Variants in HLCS observed in about 807,000 individuals in gnomAD.
The protein encoded by HLCS is holocarboxylase synthetase, also known as biotin--protein ligase.
HLCS carries 53 observed loss-of-function variants against 75.0 expected under a neutral mutation model. The observed-to-expected ratio is 0.71, with a 90% CI of 0.57 to 0.89. The LOEUF (loss-of-function observed/expected upper bound fraction) is 0.89, where lower values mean the gene tolerates loss of function less well. HLCS is among the 40% of genes least tolerant of loss of function. The pLI is 0.00. For synonymous variants in HLCS, 431 were observed against 428.6 expected, an observed-to-expected ratio of 1.01 and a Z score of -0.07; for missense variants, 966 against 1,074.0, an observed-to-expected ratio of 0.90 and a Z score of 1.41.
chr21:36,833,593 T>TTATATATATATATATATA (rs56412653), intron 6 of HLCS, among the ~76,000 whole-genome samples: 115 of 139,996 alleles, frequency 8.2e-4, no homozygotes, highest in African/African-American at 3.0e-3. Flanking sequence ...TAAAAAAAAA[T>TTATATATATATATATATA]TATATATATA....
intron 5 of HLCS, among the ~76,000 whole-genome samples, chr21:36,928,301 C>T (rs1490169327): frequency 1.8e-4 from 27 of 152,116 alleles, no homozygotes; most frequent in Non-Finnish European, 1.0e-4. Flanking sequence ...AGGCCGGGAG[C>T]GCCATGCCTG....
intron 5 of HLCS, among the ~76,000 whole-genome samples, chr21:36,900,587 C>T (rs1030444862): frequency 9.2e-5 from 14 of 152,102 alleles, no homozygotes; most frequent in Admixed American, 7.2e-4. Flanking sequence ...CGTGGGATGT[C>T]CTACCTCTGT....
At chr21:36,899,084 T>C (rs149222320) in intron 5 of HLCS, among the ~76,000 whole-genome samples, 116 of 152,176 alleles carry the variant, frequency 7.6e-4, no homozygotes, top group African/African-American at 2.6e-3. Flanking sequence ...AGTACTGTGG[T>C]GACATAGGAA....
chr21:36,828,668 CA>C (rs2062094781), intron 6 of HLCS, among the ~76,000 whole-genome samples: 1 of 151,870 alleles, frequency 6.6e-6, no homozygotes, highest in Non-Finnish European at 1.5e-5. Context: ...TTAAAGATGC[CA>C]AGTAGATTAA....
rs190884091 is a variant in HLCS at position 36,876,331 on chromosome 21, T to C, written c.1892+20529A>G. The stretch of plus-strand genomic sequence containing the variant: ...GGATCCTGTGACATTTTCGTATACA[T>C]TTCCACAAAAATACCTGCCGTGATT... On this transcript the variant is annotated intron_variant, in intron 6 of 10. Transcript: ENST00000674895. Among the ~76,000 whole-genome samples the C allele has an allele frequency of 1.1e-4, 17 of 152,276 alleles. No homozygotes were observed. In the East Asian group the frequency reaches 3.1e-3, roughly 28 times the overall value.
chr21:36,902,420 C>T (rs1160333146), intron 5 of HLCS, among the ~76,000 whole-genome samples: 1 of 152,160 alleles, frequency 6.6e-6, no homozygotes, highest in Non-Finnish European at 1.5e-5. Flanking sequence ...ATGGGGGTGG[C>T]TCAGGTTCCC....
At chr21:36,963,154 G>A (rs992966139) in intron 1 of HLCS, among the ~76,000 whole-genome samples, 1 of 152,154 alleles carries the variant, frequency 6.6e-6, no homozygotes, top group African/African-American at 2.4e-5. Context: ...AATCAAGATT[G>A]GTTAGCAAAT....
intron 6 of HLCS, among the ~76,000 whole-genome samples, chr21:36,848,557 C>T (rs548990999): frequency 3.9e-4 from 60 of 152,110 alleles, no homozygotes; most frequent in Admixed American, 2.0e-3. Context: ...CTTGAGCCAC[C>T]GCGCCCAGCC....
chr21:36,844,564 C>T (rs1286213534), intron 6 of HLCS, among the ~76,000 whole-genome samples: 1 of 152,178 alleles, frequency 6.6e-6, no homozygotes, highest in African/African-American at 2.4e-5. Context: ...AATACACAGG[C>T]CACAGGAAAG....
chr21:36,860,272 T>C (rs1341280800), intron 6 of HLCS, among the ~76,000 whole-genome samples: 1 of 151,998 alleles, frequency 6.6e-6, no homozygotes, highest in African/African-American at 2.4e-5. Flanking sequence ...GCCAGCTAGT[T>C]AGTGGCGGGG....
chr21:36,927,065 A>G (rs911939017), intron 5 of HLCS, among the ~76,000 whole-genome samples: 3 of 152,068 alleles, frequency 2.0e-5, no homozygotes, highest in Admixed American at 6.6e-5. Context: ...TTCTACGGAG[A>G]TAGGTGTGTG....
At chr21:36,785,721 T>C (rs564390874) in intron 6 of HLCS, among the ~76,000 whole-genome samples, 12 of 152,346 alleles carry the variant, frequency 7.9e-5, no homozygotes, top group African/African-American at 2.6e-4. Context: ...CTAAGTATTA[T>C]AGAAGTGGAG....
At chr21:36,814,505 C>T (rs548493578) in intron 6 of HLCS, among the ~76,000 whole-genome samples, 7 of 152,268 alleles carry the variant, frequency 4.6e-5, no homozygotes, top group Non-Finnish European at 7.4e-5. Context: ...AACAGGGCAT[C>T]CCGGATTTTA....
intron 8 of HLCS, among the ~76,000 whole-genome samples, chr21:36,761,459 T>C (rs1485568184): frequency 6.6e-6 from 1 of 151,860 alleles, no homozygotes; most frequent in East Asian, 1.9e-4. Context: ...AAACCAAGCA[T>C]GGGGGGTGCG....
intron 6 of HLCS, among the ~76,000 whole-genome samples, chr21:36,826,643 C>T (rs2062017484): frequency 2.6e-5 from 4 of 152,200 alleles, no homozygotes; most frequent in Admixed American, 2.0e-4. Context: ...TAACATTCTA[C>T]TGTACCACAT....
chr21:36,802,532 A>C (rs2061237716), intron 6 of HLCS, among the ~76,000 whole-genome samples: 1 of 152,188 alleles, frequency 6.6e-6, no homozygotes, highest in Non-Finnish European at 1.5e-5. Context: ...AAAAGTTGAA[A>C]AGTTGCTATT....
At chr21:36,836,876 T>C (rs1420360787) in intron 6 of HLCS, among the ~76,000 whole-genome samples, 4 of 151,964 alleles carry the variant, frequency 2.6e-5, no homozygotes, top group Admixed American at 2.0e-4. Context: ...CTGTTGAATG[T>C]CAATAAACAT....
At chr21:36,943,580 C>G (rs889644536) in intron 2 of HLCS, 1 of 152,030 alleles carries the variant, frequency 6.6e-6, no homozygotes, top group African/African-American at 2.4e-5. Context: ...CAGCACTTTG[C>G]GGGGCTGAGG....
intron 1 of HLCS, 141 bp from the exon 2 acceptor site, chr21:36,962,311 G>T: frequency 6.3e-6 from 3 of 479,544 alleles, no homozygotes; most frequent in Non-Finnish European, 1.0e-5. Context: ...TCTGCAGGCC[G>T]CAGGAACCGT....
Sources: gnomAD v4.1 joint callset for allele counts (sites outside exome capture counted in the v4.1 genomes callset) on GRCh38, gnomAD v4.1.1 for gene constraint, MANE v1.5 for transcripts, NCBI Gene and HGNC (gene_info 2026-07-23, HGNC 2026-07-21) for gene names.